EIF2A: variants seen among roughly 807,000 people sequenced by gnomAD.
EIF2A encodes the protein 65 kDa eukaryotic translation initiation factor 2A.
In EIF2A, 62 loss-of-function variants were observed where a neutral mutation model predicts 75.2. The ratio of observed to expected loss-of-function variants is 0.82; its 90% confidence interval spans 0.67 to 1.02. EIF2A has a LOEUF of 1.02. Ranked by LOEUF, EIF2A falls within the 50% of genes least tolerant of loss-of-function variation. EIF2A has a pLI of 0.00. For synonymous variants in EIF2A, 207 were observed against 239.0 expected, an observed-to-expected ratio of 0.87 and a Z score of 1.23; for missense variants, 611 against 677.7, an observed-to-expected ratio of 0.90 and a Z score of 1.09.
chr3:150,556,457 TAAG>T (rs1260270748), intron 2 of EIF2A, among the ~76,000 whole-genome samples: 1 of 152,160 alleles, frequency 6.6e-6, no homozygotes, highest in African/African-American at 2.4e-5. Flanking sequence ...TAAATGATAT[TAAG>T]AAGTTAATTT....
rs575542256 is a variant in EIF2A at position 150,546,789 on chromosome 3, C to T, written c.-14C>T. The T allele has an allele frequency of 1.2e-5, 20 of 1,612,490 alleles. No individual in the cohort carries two copies. Among genetic ancestry groups the T allele is most frequent in the East Asian group, 4.5e-5 (2 of 44,872 alleles). On this transcript the variant is annotated 5_prime_UTR_variant, in exon 1 of 14. Transcript: ENST00000460851. ...GTGAACTCTCACCCGAGCGGTTTCTCTTTCCGGGACAACATGGCGCCGTCC... is the reference window on the plus strand; with the variant it reads ...GTGAACTCTCACCCGAGCGGTTTCTTTTTCCGGGACAACATGGCGCCGTCC...
chr3:150,558,601 T>C, intron 3 of EIF2A, 139 bp downstream of exon 3: 10 of 651,268 alleles, frequency 1.5e-5, no homozygotes, highest in Non-Finnish European at 1.9e-5. Context: ...TACCTCTCGT[T>C]ACACAAAATA....
chr3:150,583,801 C>T, intron 13 of EIF2A, 45 bp from the exon 14 acceptor site: 2 of 1,557,248 alleles, frequency 1.3e-6, no homozygotes, highest in Non-Finnish European at 1.8e-6. Flanking sequence ...GGTTACATAT[C>T]CAGTAATTAT....
Position 150,583,937 on chromosome 3 carries a change from C to G in EIF2A, c.*26C>G, listed in dbSNP as rs1334538267. 3 of 1,610,830 alleles carry G rather than the reference C, an allele frequency of 1.9e-6. No individual in the cohort carries two copies. The highest frequency in any genetic ancestry group is 1.7e-6 in the Non-Finnish European group (2 of 1,177,380). ...AGATTCACGGAAAGCAAGTTGATGA[C>G]CAGAAATCAGTGCAAACACATCTTC... On this transcript the variant is annotated 3_prime_UTR_variant, in exon 14 of 14. Transcript: ENST00000460851.
rs957207731 is a variant in EIF2A at position 150,585,181 on chromosome 3, A to G, written c.*1270A>G. ...GTATCTGACACTACAGGCTTGCATC[A>G]CTATGCCCAGCTTATACTCACCATA... On this transcript the variant is annotated 3_prime_UTR_variant, in exon 14 of 14. Transcript: ENST00000460851. Among the ~76,000 whole-genome samples, 5 of 152,160 alleles carry G rather than the reference A, an allele frequency of 3.3e-5. No individual in the cohort carries two copies. In the South Asian group the frequency reaches 6.2e-4, roughly 19 times the overall value.
intron 2 of EIF2A, among the ~76,000 whole-genome samples, chr3:150,553,228 C>T (rs549841652): frequency 2.7e-5 from 4 of 149,440 alleles, no homozygotes; most frequent in South Asian, 4.2e-4. Flanking sequence ...GAGGCTGATG[C>T]AGCAGAATCG....
rs1725377152 is a variant in EIF2A, at chr3:150,584,828, A to C, written c.*917A>C. Among the ~76,000 whole-genome samples the C allele has an allele frequency of 6.6e-6, 1 of 151,898 alleles. No individual in the cohort carries two copies. Among genetic ancestry groups the C allele is most frequent in the Non-Finnish European group, 1.5e-5 (1 of 67,992 alleles). ...GTAAGAGTATCCTATGTAGTAACAA[A>C]ATCCTTTTTTAAAAATTTTTAAAGA... is the stretch of plus-strand genomic sequence containing the variant. On this transcript the variant is annotated 3_prime_UTR_variant, in exon 14 of 14. Transcript: ENST00000460851.
intron 13 of EIF2A, 119 bp from the exon 14 acceptor site, chr3:150,583,727 A>C: frequency 1.1e-6 from 1 of 911,220 alleles, no homozygotes; most frequent in Non-Finnish European, 1.7e-6. Context: ...CCTGTATTTT[A>C]AAATCTGTGT....
intron 13 of EIF2A, 28 bp downstream of exon 13, chr3:150,583,293 TGTG>T (rs748365200): frequency 2.3e-4 from 371 of 1,598,064 alleles, no homozygotes; most frequent in Non-Finnish European, 3.0e-4. Context: ...CATTTAGGCT[TGTG>T]GTGACCACCA....
chr3:150,565,663 A>G (rs1395950236), intron 6 of EIF2A: 1 of 156,258 alleles, frequency 6.4e-6, no homozygotes, highest in Non-Finnish European at 1.4e-5. Context: ...GGCTCAAGCA[A>G]TTCTCCTGCC....
chr3:150,572,455 A>G lies in EIF2A; in HGVS notation c.1309A>G (p.Asn437Asp), dbSNP rs1483506346. 6.2e-7 allele frequency: 1 copy of G among 1,613,938 alleles called. No individual in the cohort carries two copies. Among genetic ancestry groups the G allele is most frequent in the Non-Finnish European group, 8.5e-7 (1 of 1,179,912 alleles). Reference sequence around the variant, plus strand: ...CCAAGCAGTTCCAAGTGAAGTACCCAATGAGGAACCTAAAGTTGCAACAGC... The same window carrying G: ...CCAAGCAGTTCCAAGTGAAGTACCCGATGAGGAACCTAAAGTTGCAACAGC... The part of the protein sequence containing the change: ...TYQAVPSEVP[N>D]EEPKVATAYR... The change falls in exon 10 of 14, where the codon AAT (asparagine) becomes GAT (aspartate). Residue 437 changes from asparagine to aspartate, a missense_variant. Asn to Asp is a conservative substitution (Grantham distance 23). Coordinates refer to ENST00000460851, the MANE Select transcript of EIF2A (RefSeq NM_032025.5).
intron 11 of EIF2A, among the ~76,000 whole-genome samples, chr3:150,579,108 A>G (rs1522351): frequency 0.34 from 51,579 of 151,960 alleles, 9,104 homozygotes; most frequent in East Asian, 0.49. Flanking sequence ...TGATAAGATT[A>G]ACCTTTCTTC....
intron 9 of EIF2A, 117 bp from the exon 10 acceptor site, chr3:150,571,841 C>T: frequency 1.2e-6 from 1 of 865,900 alleles, no homozygotes; most frequent in Non-Finnish European, 1.7e-6. Flanking sequence ...TGTTAACATT[C>T]CTTGAAATTT....
chr3:150,574,140 A>G (rs1291835342), intron 10 of EIF2A, among the ~76,000 whole-genome samples: 3 of 152,134 alleles, frequency 2.0e-5, no homozygotes, highest in African/African-American at 7.2e-5. Context: ...TTGAGCCCAG[A>G]AGGAGGAGGT....
At chr3:150,583,465 A>G (rs1347104170) in intron 13 of EIF2A, among the ~76,000 whole-genome samples, 200 bp downstream of exon 13, 1 of 152,234 alleles carries the variant, frequency 6.6e-6, no homozygotes, top group Admixed American at 6.5e-5. Flanking sequence ...GATCATGTGA[A>G]TGAAAAAGTC....
chr3:150,575,820 G>A, intron 11 of EIF2A, 58 bp downstream of exon 11: 1 of 1,426,534 alleles, frequency 7.0e-7, no homozygotes, highest in Non-Finnish European at 9.5e-7. Flanking sequence ...CGGGCGCAGT[G>A]GCTCACGCCC....
chr3:150,583,641 A>G (rs1024496731), intron 13 of EIF2A, among the ~76,000 whole-genome samples: 17 of 152,152 alleles, frequency 1.1e-4, no homozygotes, highest in African/African-American at 9.7e-5. Context: ...TTGGGGCCCA[A>G]AGGGATGCAG....
At chr3:150,563,774 T>G (rs1249882146) in intron 5 of EIF2A, among the ~76,000 whole-genome samples, 160 bp downstream of exon 5, 2 of 152,200 alleles carry the variant, frequency 1.3e-5, no homozygotes, top group African/African-American at 4.8e-5. Context: ...AGCAAAAACT[T>G]GATCCTTCTT....
Position 150,564,296 on chromosome 3 carries a change from T to G in EIF2A, c.393-3T>G. 1 of 1,559,614 alleles carries G rather than the reference T, an allele frequency of 6.4e-7. No homozygotes were observed. Among genetic ancestry groups the G allele is most frequent in the Non-Finnish European group, 8.6e-7 (1 of 1,158,136 alleles). On this transcript the variant is annotated splice_polypyrimidine_tract_variant and splice_region_variant and intron_variant, in intron 5 of 13. Transcript: ENST00000460851. ...ATACTTTTTTTTTTTTTCATTGACATAGGTGTCCATCCTGGTCAGAAGATG... is the reference window on the plus strand; with the variant it reads ...ATACTTTTTTTTTTTTTCATTGACAGAGGTGTCCATCCTGGTCAGAAGATG...
Sources: gnomAD v4.1 joint callset for allele counts (sites outside exome capture counted in the v4.1 genomes callset) on GRCh38, gnomAD v4.1.1 for gene constraint, MANE v1.5 for transcripts, NCBI Gene and HGNC (gene_info 2026-07-23, HGNC 2026-07-21) for gene names.